LAMC2: variants seen among roughly 807,000 people sequenced by gnomAD.
LAMC2 encodes laminin subunit gamma-2.
Under a neutral mutation model 140.2 loss-of-function variants are expected in LAMC2, and 97 were observed. That is an observed-to-expected ratio of 0.69 (90% CI 0.59 to 0.82). LAMC2 has a LOEUF of 0.82. Among genes scored for constraint, LAMC2 ranks in the 40% least tolerant of loss-of-function variants. The pLI is 0.00. For synonymous variants in LAMC2, 513 were observed against 540.2 expected (o/e 0.95, Z 0.70); for missense variants, 1,402 against 1,476.1 (o/e 0.95, Z 0.82).
chr1:183,244,044 C>T lies in LAMC2; in HGVS notation c.*644C>T, dbSNP rs1660192453. ...TATGGTGCTTGCTGGTGCCTGCCAC[C>T]TTCAAGTTCTGGACCTGGGCATGAC... On this transcript the variant is annotated 3_prime_UTR_variant, in exon 23 of 23. Transcript: ENST00000264144. 6.6e-6 allele frequency: 1 copy of T among 152,662 alleles called. No homozygotes were observed. Among genetic ancestry groups the T allele is most frequent in the Non-Finnish European group, 1.5e-5 (1 of 68,298 alleles). The allele number at this position is 152,662 out of a possible 1,614,324, so 9.5% of individuals were successfully genotyped here. A position where few individuals can be genotyped will look rare whatever the true frequency, so the allele number is the denominator to read the frequency against.
At chr1:183,227,387 G>A in intron 9 of LAMC2, 128 bp from the exon 10 acceptor site, 2 of 925,308 alleles carry the variant, frequency 2.2e-6, no homozygotes, top group Non-Finnish European at 3.6e-6. Context: ...GAATGCCAGT[G>A]CTCAGGCACT....
At position 183,243,503 on chromosome 1, in the gene LAMC2, T is replaced by A; in HGVS notation, c.*103T>A. ...TGGGATGGGGACATTTGAACATGTT[T>A]AATGGGTATGCTCAGGTCAACTGAC... On this transcript the variant is annotated 3_prime_UTR_variant, in exon 23 of 23. Transcript: ENST00000264144. 1.4e-6 allele frequency: 2 copies of A among 1,429,078 alleles called. No homozygotes were observed. Among genetic ancestry groups the A allele is most frequent in the Non-Finnish European group, 9.8e-7 (1 of 1,016,086 alleles). The allele number at this position is 1,429,078 out of a possible 1,614,324, so 88.5% of individuals were successfully genotyped here.
intron 22 of LAMC2, chr1:183,241,112 G>C (rs1012854799): frequency 1.2e-5 from 2 of 164,186 alleles, no homozygotes; most frequent in African/African-American, 4.8e-5. Flanking sequence ...GCTGGATGTG[G>C]TGGTGGGCGC....
intron 11 of LAMC2, among the ~76,000 whole-genome samples, chr1:183,230,283 A>G (rs916979670): frequency 1.3e-5 from 2 of 152,240 alleles, no homozygotes; most frequent in Non-Finnish European, 2.9e-5. Flanking sequence ...AATAAGGAAG[A>G]TACACAAATA....
chr1:183,236,317 A>T (rs1659959509), intron 16 of LAMC2, 143 bp from the exon 17 acceptor site: 1 of 738,718 alleles, frequency 1.4e-6, no homozygotes, highest in Admixed American at 2.7e-5. Flanking sequence ...TGAGCGTGGG[A>T]GGATGAGGCT....
intron 11 of LAMC2, among the ~76,000 whole-genome samples, 193 bp from the exon 12 acceptor site, chr1:183,230,768 A>C (rs898594226): frequency 6.6e-6 from 1 of 152,192 alleles, no homozygotes. Context: ...GAAAGGCTGT[A>C]ATCTCCCTGC....
intron 1 of LAMC2, among the ~76,000 whole-genome samples, chr1:183,187,996 G>T (rs519544): frequency 0.57 from 86,152 of 151,418 alleles, 25,200 homozygotes; most frequent in East Asian, 0.73. Context: ...ATATATGTGT[G>T]TTAGCATTAG....
intron 19 of LAMC2, among the ~76,000 whole-genome samples, chr1:183,238,894 G>T (rs535875344): frequency 1.3e-5 from 2 of 152,292 alleles, no homozygotes; most frequent in African/African-American, 4.8e-5. Context: ...GATCCCAGGA[G>T]ATTTAGATTT....
At chr1:183,212,650 G>A (rs1659108314) in intron 2 of LAMC2, among the ~76,000 whole-genome samples, 1 of 152,030 alleles carries the variant, frequency 6.6e-6, no homozygotes. Flanking sequence ...TGAGTGTTGA[G>A]GGCTCCTAGA....
chr1:183,254,989 C>T, the LAMC2 span, among the ~76,000 whole-genome samples: 1 of 152,178 alleles, frequency 6.6e-6, no homozygotes, highest in East Asian at 1.9e-4. Context: ...ACATAATTGC[C>T]AAGACCAATG....
At chr1:183,227,106 T>C (rs1359456252) in intron 9 of LAMC2, among the ~76,000 whole-genome samples, 190 bp downstream of exon 9, 1 of 151,976 alleles carries the variant, frequency 6.6e-6, no homozygotes, top group East Asian at 1.9e-4. Context: ...TGCCACAAAG[T>C]TGTGAGAAAG....
At chr1:183,207,652 A>G (rs971946799) in intron 1 of LAMC2, among the ~76,000 whole-genome samples, 1 of 152,200 alleles carries the variant, frequency 6.6e-6, no homozygotes. Flanking sequence ...TCTCCCAGAC[A>G]GCAGCCCACC....
intron 2 of LAMC2, among the ~76,000 whole-genome samples, chr1:183,210,426 G>A (rs1659035445): frequency 6.6e-6 from 1 of 152,214 alleles, no homozygotes; most frequent in Non-Finnish European, 1.5e-5. Context: ...GGGCAACTCA[G>A]TAAATTGTGA....
chr1:183,254,697 A>C, the LAMC2 span, among the ~76,000 whole-genome samples: 1 of 152,168 alleles, frequency 6.6e-6, no homozygotes, highest in Admixed American at 6.5e-5. Context: ...TCAGCCTCCC[A>C]GCGTGCTGGG....
chr1:183,195,363 A>T (rs911720579), intron 1 of LAMC2, among the ~76,000 whole-genome samples: 2 of 152,196 alleles, frequency 1.3e-5, no homozygotes, highest in Non-Finnish European at 2.9e-5. Flanking sequence ...ATAATCATTC[A>T]AAAGGAAATG....
Position 183,215,367 on chromosome 1 carries a change from C to T in LAMC2, c.269-86C>T. 7.4e-6 allele frequency: 11 copies of T among 1,491,938 alleles called. 1 individual carries two copies. In the South Asian group the frequency reaches 1.3e-4, roughly 17 times the overall value. 92.4% of individuals were successfully genotyped at this position (1,491,938 alleles called of 1,614,324 possible). A position where few individuals can be genotyped will look rare whatever the true frequency, so the allele number is the denominator to read the frequency against. ...CTTCTTACTTCGTGTTTACGGAGCA[C>T]CCATAGGGTGATAGTTGCTTCCAAT... On this transcript the variant is annotated intron_variant, in intron 2 of 22. Transcript: ENST00000264144.
chr1:183,206,348 A>G (rs1230251503), intron 1 of LAMC2, among the ~76,000 whole-genome samples: 3 of 152,158 alleles, frequency 2.0e-5, no homozygotes, highest in Non-Finnish European at 4.4e-5. Context: ...GGTCCATTAG[A>G]TGTACGTGGT....
intron 11 of LAMC2, 25 bp from the exon 12 acceptor site, chr1:183,230,936 T>C (rs771560763): frequency 1.2e-6 from 2 of 1,614,066 alleles, no homozygotes; most frequent in Non-Finnish European, 1.7e-6. Flanking sequence ...TTGATGTGAA[T>C]GCTCCATTTG....
At chr1:183,211,627 C>T (rs1419244461) in intron 2 of LAMC2, among the ~76,000 whole-genome samples, 10 of 152,160 alleles carry the variant, frequency 6.6e-5, no homozygotes, top group African/African-American at 2.4e-4. Context: ...CCTCCTGCCT[C>T]AGCCTCCTGA....
Sources: allele counts gnomAD v4.1 joint callset (sites outside exome capture counted in the v4.1 genomes callset), GRCh38; gene constraint gnomAD v4.1.1; transcripts MANE v1.5; gene names NCBI Gene and HGNC (gene_info 2026-07-23, HGNC 2026-07-21).